Variants in BICC1 observed in about 807,000 individuals in gnomAD.
BICC1 encodes the protein protein bicaudal C homolog 1.
Under a neutral mutation model 111.0 loss-of-function variants are expected in BICC1, and 43 were observed. That is an observed-to-expected ratio of 0.39 (90% CI 0.30 to 0.50). The LOEUF (loss-of-function observed/expected upper bound fraction) is 0.50. Ranked by LOEUF, BICC1 falls within the 20% of genes least tolerant of loss-of-function variation. The probability of loss-of-function intolerance (pLI) is 0.88; values close to 1 mark genes in which losing one functional copy is unlikely to be tolerated. For synonymous variants in BICC1, 467 were observed against 434.4 expected (o/e 1.07, Z -0.93); for missense variants, 1,091 against 1,203.2 (o/e 0.91, Z 1.38).
At chr10:58,724,757 C>T (rs1171552493) in intron 3 of BICC1, among the ~76,000 whole-genome samples, 1 of 152,198 alleles carries the variant, frequency 6.6e-6, no homozygotes, top group African/African-American at 2.4e-5. Context: ...TGGCAGTCAC[C>T]AGAACACATC....
At position 58,771,586 on chromosome 10, in the gene BICC1, TGTG is replaced by T. The variant is rs374150586; in HGVS notation, c.308-13411_308-13409del. 5.3e-3 allele frequency among the ~76,000 whole-genome samples: 800 copies of T among 152,244 alleles called. 14 individuals carry two copies. Among genetic ancestry groups the T allele is most frequent in the African/African-American group, 0.018 (756 of 41,546 alleles). ...AACATGACATTTGTGTTAACCTTAA[TGTG>T]GTGAGGATTGGACTGATGGAGCCAA... is the stretch of plus-strand genomic sequence containing the variant. On this transcript the variant is annotated intron_variant, in intron 3 of 20. Transcript: ENST00000373886.
At chr10:58,741,649 A>G (rs1353137324) in intron 3 of BICC1, among the ~76,000 whole-genome samples, 1 of 152,202 alleles carries the variant, frequency 6.6e-6, no homozygotes, top group African/African-American at 2.4e-5. Flanking sequence ...GAGGTCTTAT[A>G]TCTTTGCATT....
chr10:58,676,556 A>G (rs983691664), intron 2 of BICC1, among the ~76,000 whole-genome samples: 1 of 152,194 alleles, frequency 6.6e-6, no homozygotes, highest in African/African-American at 2.4e-5. Context: ...TCAGGGGCTT[A>G]TAGCTAAAAC....
Position 58,814,381 on chromosome 10 carries a change from TC to T in BICC1, c.2533+396del, listed in dbSNP as rs1300129513. On this transcript the variant is annotated intron_variant, in intron 18 of 20. Coordinates refer to ENST00000373886, the MANE Select transcript of BICC1 (RefSeq NM_001080512.3). ...TTCTTCCCAAACGCCTAGTGAACTG[TC>T]TGACACCTAGTAGGTAGGTGCTCAG... The T allele has an allele frequency of 3.1e-5, 15 of 485,992 alleles. No individual in the cohort carries two copies. The East Asian group carries it at 5.4e-4, about 17-fold the overall frequency. The allele number at this position is 485,992 out of a possible 1,614,324, so 30.1% of individuals were successfully genotyped here.
intron 2 of BICC1, among the ~76,000 whole-genome samples, chr10:58,671,932 A>G (rs940854811): frequency 6.6e-6 from 1 of 152,124 alleles, no homozygotes; most frequent in Non-Finnish European, 1.5e-5. Context: ...TGTAAAAGGA[A>G]CAGCCTCGAG....
At position 58,558,141 on chromosome 10, in the gene BICC1, A is replaced by G. The variant is rs1214041031; in HGVS notation, c.190+44808A>G. Reference sequence around the variant, plus strand: ...GCTTTCTACTCTGACCATTGTGAACAGGAGGAGCTGTTCTAAAACTATGTG... The same window carrying G: ...GCTTTCTACTCTGACCATTGTGAACGGGAGGAGCTGTTCTAAAACTATGTG... On this transcript the variant is annotated intron_variant, in intron 1 of 20. Coordinates refer to ENST00000373886, the MANE Select transcript of BICC1 (RefSeq NM_001080512.3). 9.2e-5 allele frequency among the ~76,000 whole-genome samples: 14 copies of G among 152,162 alleles called. 1 individual carries two copies. The highest frequency in any genetic ancestry group is 8.5e-4 in the Admixed American group (13 of 15,240).
chr10:58,513,540 G>A (rs2132483548), intron 1 of BICC1, among the ~76,000 whole-genome samples: 1 of 152,334 alleles, frequency 6.6e-6, no homozygotes, highest in Admixed American at 6.5e-5. Context: ...ATTTCCAGGC[G>A]CTGGGGGCCC....
At chr10:58,708,352 A>T (rs184525057) in intron 3 of BICC1, among the ~76,000 whole-genome samples, 1 of 152,298 alleles carries the variant, frequency 6.6e-6, no homozygotes, top group Admixed American at 6.5e-5. Context: ...TTTCAATACA[A>T]GTATACCAGA....
intron 1 of BICC1, among the ~76,000 whole-genome samples, chr10:58,539,201 C>T (rs960777248): frequency 4.6e-5 from 7 of 151,748 alleles, no homozygotes; most frequent in African/African-American, 1.7e-4. Context: ...GAATACTACT[C>T]AGCCATAAAA....
intron 3 of BICC1, among the ~76,000 whole-genome samples, chr10:58,714,856 G>T (rs932973363): frequency 1.3e-5 from 2 of 150,366 alleles, no homozygotes; most frequent in African/African-American, 4.9e-5. Flanking sequence ...ACACTGTGTG[G>T]CATTTCTCAT....
At chr10:58,554,339 GTCT>G (rs772091585) in intron 1 of BICC1, among the ~76,000 whole-genome samples, 23 of 152,192 alleles carry the variant, frequency 1.5e-4, no homozygotes, top group Non-Finnish European at 2.1e-4. Flanking sequence ...TTTAAATCCG[GTCT>G]TCTTTTCCTG....
At chr10:58,616,550 A>T (rs558553545) in intron 1 of BICC1, among the ~76,000 whole-genome samples, 4 of 152,148 alleles carry the variant, frequency 2.6e-5, no homozygotes, top group Non-Finnish European at 5.9e-5. Flanking sequence ...TTAGGGGAAC[A>T]CCAGATGACT....
chr10:58,639,397 A>ATTTT (rs5785335), intron 2 of BICC1, among the ~76,000 whole-genome samples: 1 of 138,576 alleles, frequency 7.2e-6, no homozygotes, highest in Non-Finnish European at 1.5e-5. Context: ...TGCCATTTAA[A>ATTTT]TTTTTTTTTT....
intron 2 of BICC1, among the ~76,000 whole-genome samples, chr10:58,688,521 C>G (rs10763580): frequency 0.98 from 148,716 of 152,228 alleles, 72,764 homozygotes; most frequent in Middle Eastern, 1. Context: ...CCGGCAATCT[C>G]ATTACTGGGT....
At chr10:58,653,240 T>A (rs1838508613) in intron 2 of BICC1, among the ~76,000 whole-genome samples, 1 of 152,160 alleles carries the variant, frequency 6.6e-6, no homozygotes, top group Non-Finnish European at 1.5e-5. Context: ...TTCACTGAGA[T>A]GGGCAGAAGC....
chr10:58,800,918 C>T lies in BICC1; in HGVS notation c.1887C>T (p.Gly629=), dbSNP rs764712013. ...EGCNDAFVEV[G]MPRSPSHSGN... is the part of the protein sequence containing the mutation. The stretch of plus-strand genomic sequence containing the variant: ...GTAATGATGCTTTTGTTGAAGTAGG[C>T]ATGCCTCGAAGTCCTTCCCATTCTG... The change falls in exon 14 of 21, where the codon GGC becomes GGT. Residue 629 remains glycine, a synonymous_variant. Transcript: ENST00000373886. 7 of 1,606,506 alleles carry T rather than the reference C, an allele frequency of 4.4e-6. No individual in the cohort carries two copies. The highest frequency in any genetic ancestry group is 1.7e-5 in the Admixed American group (1 of 58,600).
At chr10:58,638,095 A>G (rs1417181572) in intron 2 of BICC1, among the ~76,000 whole-genome samples, 1 of 152,134 alleles carries the variant, frequency 6.6e-6, no homozygotes, top group African/African-American at 2.4e-5. Flanking sequence ...GTTTTGGAGG[A>G]AAAAAAGAAT....
At chr10:58,546,626 T>A (rs1649065) in intron 1 of BICC1, among the ~76,000 whole-genome samples, 1 of 151,832 alleles carries the variant, frequency 6.6e-6, no homozygotes. Context: ...AGCTCTGGGA[T>A]CCTCTGTAGT....
chr10:58,786,248 C>G (rs1843007656), intron 4 of BICC1, among the ~76,000 whole-genome samples: 2 of 152,050 alleles, frequency 1.3e-5, no homozygotes, highest in South Asian at 4.1e-4. Context: ...TCCAATATGA[C>G]CACAGCATTT....
Sources: allele counts gnomAD v4.1 joint callset (sites outside exome capture counted in the v4.1 genomes callset), GRCh38; gene constraint gnomAD v4.1.1; transcripts MANE v1.5; gene names NCBI Gene and HGNC (gene_info 2026-07-23, HGNC 2026-07-21).